Variants in TSPEAR observed in about 807,000 individuals in gnomAD.
The protein encoded by TSPEAR is thrombospondin type laminin G domain and EAR repeats.
A neutral mutation model predicts 71.6 loss-of-function variants in TSPEAR; 69 were observed. That is an observed-to-expected ratio of 0.96 (90% confidence interval 0.79 to 1.18). The LOEUF (loss-of-function observed/expected upper bound fraction) is 1.18, where lower values mean the gene tolerates loss of function less well. Ranked by LOEUF, TSPEAR falls within the 50% of genes most tolerant of loss-of-function variation. The probability of loss-of-function intolerance (pLI) is 0.00; values close to 1 mark genes in which losing one functional copy is unlikely to be tolerated. For synonymous variants in TSPEAR, 402 were observed against 387.2 expected, an observed-to-expected ratio of 1.04 and a Z score of -0.45; for missense variants, 971 against 894.9, an observed-to-expected ratio of 1.09 and a Z score of -1.09.
intron 1 of TSPEAR, chr21:44,702,604 TCCTCCTCTGTGTC>T: frequency 1.2e-6 from 2 of 1,605,774 alleles, no homozygotes; most frequent in Non-Finnish European, 1.7e-6. Context: ...CTGCAGACCC[TCCTCCTCTGTGTC>T]CCTCCTCTGC....
At chr21:44,654,547 C>A in intron 1 of TSPEAR, 1 of 1,611,256 alleles carries the variant, frequency 6.2e-7, no homozygotes, top group Non-Finnish European at 8.5e-7. Flanking sequence ...GTAGCAGGTG[C>A]TGGGGACACA....
intron 7 of TSPEAR, among the ~76,000 whole-genome samples, chr21:44,526,842 A>G (rs782117480): frequency 6.6e-6 from 1 of 152,242 alleles, no homozygotes; most frequent in African/African-American, 2.4e-5. Flanking sequence ...GGTGGCTGTC[A>G]GCCTGCGAGG....
chr21:44,526,564 G>A (rs2052860522), intron 7 of TSPEAR, among the ~76,000 whole-genome samples: 1 of 151,998 alleles, frequency 6.6e-6, no homozygotes, highest in South Asian at 2.1e-4. Flanking sequence ...GAGGGTGGCT[G>A]TAAGCCACAG....
At chr21:44,645,908 G>T (rs1477734519) in intron 1 of TSPEAR, among the ~76,000 whole-genome samples, 1 of 151,636 alleles carries the variant, frequency 6.6e-6, no homozygotes, top group Non-Finnish European at 1.5e-5. Flanking sequence ...GGGAGGCTGA[G>T]GCGGGTAGAT....
intron 1 of TSPEAR, among the ~76,000 whole-genome samples, chr21:44,585,159 T>C (rs1555925545): frequency 6.6e-6 from 1 of 152,194 alleles, no homozygotes; most frequent in Non-Finnish European, 1.5e-5. Flanking sequence ...TCATGGGTGG[T>C]AAACTTTCTG....
intron 1 of TSPEAR, among the ~76,000 whole-genome samples, chr21:44,670,737 G>A (rs2210284): frequency 0.76 from 115,506 of 152,082 alleles, 44,222 homozygotes; most frequent in African/African-American, 0.85. Context: ...ACACCCACCA[G>A]GTCCTGAGCA....
At chr21:44,616,676 G>A (rs1281438551) in intron 1 of TSPEAR, among the ~76,000 whole-genome samples, 4 of 152,222 alleles carry the variant, frequency 2.6e-5, no homozygotes, top group African/African-American at 9.6e-5. Flanking sequence ...CAATTCGAGA[G>A]CTCTGCTCAG....
chr21:44,550,369 C>T (rs587678732), intron 2 of TSPEAR: 184 of 509,298 alleles, frequency 3.6e-4, no homozygotes, highest in African/African-American at 2.9e-3. Flanking sequence ...GGGCCGCAGA[C>T]GCTTTATTGG....
At chr21:44,550,854 C>A (rs2053407126) in intron 2 of TSPEAR, 1 of 1,531,638 alleles carries the variant, frequency 6.5e-7, no homozygotes, top group African/African-American at 1.4e-5. Flanking sequence ...AGCCCCAGAG[C>A]AAACAGGTAC....
chr21:44,544,146 T>C (rs1371659341), intron 2 of TSPEAR, among the ~76,000 whole-genome samples: 1 of 152,248 alleles, frequency 6.6e-6, no homozygotes, highest in East Asian at 1.9e-4. Flanking sequence ...GTCCTGGTGA[T>C]CCATGATGTG....
At chr21:44,627,950 G>A (rs782560286) in intron 1 of TSPEAR, 2 of 1,517,512 alleles carry the variant, frequency 1.3e-6, no homozygotes, top group Admixed American at 1.9e-5. Flanking sequence ...CGCCAGCCCA[G>A]CTATTGCCGC....
At chr21:44,664,510 C>A (rs2055658929) in intron 1 of TSPEAR, among the ~76,000 whole-genome samples, 1 of 152,134 alleles carries the variant, frequency 6.6e-6, no homozygotes, top group Non-Finnish European at 1.5e-5. Flanking sequence ...AGTTTCAATA[C>A]ACTCCCAATC....
chr21:44,563,339 A>C (rs587719790), intron 2 of TSPEAR, among the ~76,000 whole-genome samples: 1 of 152,280 alleles, frequency 6.6e-6, no homozygotes, highest in South Asian at 2.1e-4. Context: ...CAACAAGACT[A>C]CAAAAAGGAC....
At position 44,636,213 on chromosome 21, in the gene TSPEAR, G is replaced by C. The variant is rs146418166; in HGVS notation, c.83-68208C>G. On this transcript the variant is annotated intron_variant, in intron 1 of 11. Coordinates refer to ENST00000323084, the MANE Select transcript of TSPEAR (RefSeq NM_144991.3). ...GAGCTGAGCTGAGGCATGTGGACCGGTCTCCAGCACCCAACCCTGCCGGGT... is the reference window on the plus strand; with the variant it reads ...GAGCTGAGCTGAGGCATGTGGACCGCTCTCCAGCACCCAACCCTGCCGGGT... Among the ~76,000 whole-genome samples the C allele has an allele frequency of 4.6e-5, 7 of 152,320 alleles. No individual in the cohort carries two copies. In the East Asian group the frequency reaches 1.3e-3, roughly 29 times the overall value.
At chr21:44,696,319 C>T (rs575299990) in intron 1 of TSPEAR, among the ~76,000 whole-genome samples, 11 of 152,346 alleles carry the variant, frequency 7.2e-5, no homozygotes, top group Non-Finnish European at 1.2e-4. Flanking sequence ...GTCCCTTGCT[C>T]TCTGAGGCAG....
At chr21:44,663,800 G>A (rs934927173) in intron 1 of TSPEAR, among the ~76,000 whole-genome samples, 6 of 152,044 alleles carry the variant, frequency 3.9e-5, no homozygotes, top group Admixed American at 3.9e-4. Flanking sequence ...AGAATGCAAG[G>A]TTGGTTCAGT....
rs1396440624 is a variant in TSPEAR, at chr21:44,711,346, G to C, written c.82+87C>G. On this transcript the variant is annotated intron_variant, in intron 1 of 11. Coordinates refer to ENST00000323084, the MANE Select transcript of TSPEAR (RefSeq NM_144991.3). The surrounding 1 kb of genome is among the most constrained non-coding windows in gnomAD (Gnocchi z 4.5). ...TCCTCGGGCACCGCGGCTTGAATCAGTGTTAGAAAGTGGCATTTGTGACTC... is the reference window on the plus strand; with the variant it reads ...TCCTCGGGCACCGCGGCTTGAATCACTGTTAGAAAGTGGCATTTGTGACTC... The C allele has an allele frequency of 3.2e-6, 4 of 1,264,036 alleles. No homozygotes were observed. The East Asian group carries it at 7.6e-5, about 24-fold the overall frequency. 78.3% of individuals were successfully genotyped at this position (1,264,036 alleles called of 1,614,324 possible).
At chr21:44,694,572 CTATGTA>C (rs1987250018) in intron 1 of TSPEAR, among the ~76,000 whole-genome samples, 2 of 151,952 alleles carry the variant, frequency 1.3e-5, no homozygotes, top group South Asian at 4.1e-4. Context: ...AAATTTTATG[CTATGTA>C]TATTTTACCA....
intron 6 of TSPEAR, among the ~76,000 whole-genome samples, chr21:44,528,121 C>T (rs1555915204): frequency 2.0e-5 from 3 of 152,104 alleles, no homozygotes; most frequent in Non-Finnish European, 4.4e-5. Context: ...CCTGTCAGCC[C>T]GTGTGTCATG....
Sources: gnomAD v4.1 joint callset for allele counts (sites outside exome capture counted in the v4.1 genomes callset) on GRCh38, gnomAD v4.1.1 for gene constraint, Gnocchi (gnomAD v3.1) non-coding constraint, MANE v1.5 for transcripts, NCBI Gene and HGNC (gene_info 2026-07-23, HGNC 2026-07-21) for gene names.